EIF5B: variants seen among roughly 807,000 people sequenced by gnomAD.
EIF5B encodes eIF-5B.
A neutral mutation model predicts 147.5 loss-of-function variants in EIF5B; 47 were observed. The ratio of observed to expected loss-of-function variants is 0.32; its 90% CI spans 0.25 to 0.41. EIF5B has a LOEUF of 0.41. EIF5B is among the 10% of genes least tolerant of loss of function. EIF5B has a pLI of 1.00. For synonymous variants in EIF5B, 455 were observed against 456.2 expected (o/e 1.00, Z 0.03); for missense variants, 1,064 against 1,413.2 (o/e 0.75, Z 3.96).
At chr2:99,384,024 C>T (rs1440266735) in intron 14 of EIF5B, among the ~76,000 whole-genome samples, 7 of 151,560 alleles carry the variant, frequency 4.6e-5, no homozygotes, top group Non-Finnish European at 7.4e-5. Flanking sequence ...GGTGAAACCC[C>T]GTCTCTACTA....
intron 22 of EIF5B, chr2:99,397,203 TTTACA>T (rs1675070491): frequency 4.6e-6 from 1 of 217,934 alleles, no homozygotes; most frequent in South Asian, 1.8e-4. Flanking sequence ...TCCAAGGCAC[TTTACA>T]TTATTGCCTT....
At chr2:99,356,406 T>C (rs952822364) in intron 1 of EIF5B, among the ~76,000 whole-genome samples, 1 of 152,338 alleles carries the variant, frequency 6.6e-6, no homozygotes, top group East Asian at 1.9e-4. Context: ...TTAGCTTTCT[T>C]CTGCACACGT....
intron 1 of EIF5B, among the ~76,000 whole-genome samples, chr2:99,343,846 C>G (rs2094266435): frequency 6.6e-6 from 1 of 151,596 alleles, no homozygotes; most frequent in Non-Finnish European, 1.5e-5. Context: ...CTTTTATTGC[C>G]TTATCTCTTG....
At chr2:99,398,406 CT>C (rs1675110612) in intron 22 of EIF5B, 1 of 177,252 alleles carries the variant, frequency 5.6e-6, no homozygotes, top group Non-Finnish European at 1.2e-5. Flanking sequence ...AAGCTCATTC[CT>C]GACTCAGACC....
rs1295238354 is a variant in EIF5B, at chr2:99,400,982, A to ACTT, written c.*1570_*1572dup. On this transcript the variant is annotated 3_prime_UTR_variant, in exon 24 of 24. Transcript: ENST00000289371. ...AGTTCTTTATTAAACAACTGTAAAC[A>ACTT]CTTCACTGTAAAAATCCATAAAACT... 2 of 262,554 alleles carry ACTT rather than the reference A, an allele frequency of 7.6e-6. No individual in the cohort carries two copies. The highest frequency in any genetic ancestry group is 2.2e-5 in the African/African-American group (1 of 45,588). The allele number at this position is 262,554 out of a possible 1,614,324, so 16.3% of individuals were successfully genotyped here. A position where few individuals can be genotyped will look rare whatever the true frequency, so the allele number is the denominator to read the frequency against.
chr2:99,341,896 A>G (rs1434508669), intron 1 of EIF5B, among the ~76,000 whole-genome samples: 1 of 152,234 alleles, frequency 6.6e-6, no homozygotes, highest in Non-Finnish European at 1.5e-5. Flanking sequence ...CTGCAGCATC[A>G]TCACACATCA....
chr2:99,341,669 A>C (rs1334650911), intron 1 of EIF5B, among the ~76,000 whole-genome samples: 1 of 152,206 alleles, frequency 6.6e-6, no homozygotes, highest in African/African-American at 2.4e-5. Context: ...GCTTCTGTGT[A>C]TGTAGGTTAT....
intron 14 of EIF5B, among the ~76,000 whole-genome samples, chr2:99,386,063 T>A (rs981586556): frequency 6.6e-6 from 1 of 152,270 alleles, no homozygotes; most frequent in African/African-American, 2.4e-5. Flanking sequence ...GGGTTTTTCC[T>A]TTTTATTTTT....
intron 1 of EIF5B, among the ~76,000 whole-genome samples, chr2:99,341,777 TTAAA>T (rs1350903635): frequency 1.3e-5 from 2 of 152,200 alleles, no homozygotes; most frequent in Non-Finnish European, 2.9e-5. Flanking sequence ...CATAACATTA[TTAAA>T]TAACCATATT....
At chr2:99,338,317 C>G in intron 1 of EIF5B, 1 of 1,289,048 alleles carries the variant, frequency 7.8e-7, no homozygotes, top group Non-Finnish European at 1.0e-6. Context: ...AGTTACTTAC[C>G]TAGAGATTTT....
chr2:99,390,653 C>T lies in EIF5B; in HGVS notation c.2696C>T (p.Thr899Ile). 2 of 1,612,010 alleles carry T rather than the reference C, an allele frequency of 1.2e-6. No homozygotes were observed. Among genetic ancestry groups the T allele is most frequent in the Non-Finnish European group, 1.7e-6 (2 of 1,178,270 alleles). The stretch of plus-strand genomic sequence containing the variant: ...CCTGGAGTAGAAGGGCCCATTGTAA[C>T]TCAGATTCGAGGCCTCCTGTTACCT... ...IVPGVEGPIVTQIRGLLLPPP... is the reference protein window; with the variant it reads ...IVPGVEGPIVIQIRGLLLPPP... The change falls in exon 17 of 24, where the codon ACT becomes ATT. Residue 899 changes from threonine to isoleucine, a missense_variant. Physicochemically the swap from Thr to Ile is moderately conservative, Grantham distance 89 (BLOSUM62 -1). This residue lies in a region of EIF5B where 380 missense variants were observed against 715.6 expected (regional missense o/e 0.53). Coordinates refer to ENST00000289371, the MANE Select transcript of EIF5B (RefSeq NM_015904.4).
rs962916343 is a variant in EIF5B, at chr2:99,361,461, G to T, written c.560G>T (p.Gly187Val). 1.2e-6 allele frequency: 2 copies of T among 1,613,874 alleles called. No homozygotes were observed. Among genetic ancestry groups the T allele is most frequent in the African/African-American group, 1.3e-5 (1 of 74,862 alleles). ...AGAATAAATTCTTCTGGTGAAAGTG[G>T]TGATGAATCAGATGAATTTTTGCAA... ...RSRINSSGESGDESDEFLQSR... is the reference protein window; with the variant it reads ...RSRINSSGESVDESDEFLQSR... Residue 187 changes from glycine to valine, a missense_variant, in exon 4 of 24, where the codon GGT becomes GTT. Gly to Val is a moderately radical substitution (Grantham distance 109). Around this residue, in one of 4 missense-constraint regions of EIF5B, gnomAD observed 458 missense variants for 451.3 expected, o/e 1.01. Coordinates refer to ENST00000289371, the MANE Select transcript of EIF5B (RefSeq NM_015904.4).
At position 99,376,402 on chromosome 2, in the gene EIF5B, G is replaced by A; in HGVS notation, c.1608G>A (p.Glu536=). The A allele has an allele frequency of 6.4e-7, 1 of 1,554,596 alleles. No individual in the cohort carries two copies. The highest frequency in any genetic ancestry group is 8.8e-7 in the Non-Finnish European group (1 of 1,132,904). ...EVKENPEEEE[E]EEEEEEEDEE... ...AAGAAAACCCTGAAGAGGAGGAGGA[G>A]GAGGAAGAAGAGGAAGAAGAAGATG... The change falls in exon 10 of 24, where the codon GAG becomes GAA. Residue 536 remains glutamate, a synonymous_variant. Coordinates refer to ENST00000289371, the MANE Select transcript of EIF5B (RefSeq NM_015904.4).
chr2:99,389,661 C>T, intron 14 of EIF5B, 57 bp from the exon 15 acceptor site: 1 of 1,510,262 alleles, frequency 6.6e-7, no homozygotes, highest in South Asian at 1.3e-5. Flanking sequence ...GCTATTAATA[C>T]AGTTCTTGAA....
At position 99,389,744 on chromosome 2, in the gene EIF5B, G is replaced by C; in HGVS notation, c.2298G>C (p.Lys766Asn). Reference protein sequence around the residue: ...NKIDRLYDWKKSPDSDVAATL... With the variant: ...NKIDRLYDWKNSPDSDVAATL... ...TTGATAGGTTATATGATTGGAAAAA[G>C]AGTCCTGACTCTGATGTGGCTGCTA... The change falls in exon 15 of 24, where the codon AAG becomes AAC. Residue 766 changes from lysine to asparagine, a missense_variant. Transcript: ENST00000289371. 6.2e-7 allele frequency: 1 copy of C among 1,605,624 alleles called. No homozygotes were observed. The highest frequency in any genetic ancestry group is 1.1e-5 in the South Asian group (1 of 88,816).
chr2:99,399,241 G>T (rs1298424510), intron 23 of EIF5B, 66 bp from the exon 24 acceptor site: 2 of 1,473,168 alleles, frequency 1.4e-6, no homozygotes, highest in Non-Finnish European at 1.9e-6. Context: ...GGGCATCTGG[G>T]GCCACAGCTT....
rs1404506746 is a variant in EIF5B, at chr2:99,400,062, A to G, written c.*648A>G. 6.6e-6 allele frequency: 1 copy of G among 152,266 alleles called. No homozygotes were observed. Among genetic ancestry groups the G allele is most frequent in the African/African-American group, 2.4e-5 (1 of 41,468 alleles). The allele number at this position is 152,266 out of a possible 1,614,324, so 9.4% of individuals were successfully genotyped here. ...CTACCAATAAAGAAAACAGACATCCACCAGTAAGCAAGCTCTGTTAGGCTT... is the reference window on the plus strand; with the variant it reads ...CTACCAATAAAGAAAACAGACATCCGCCAGTAAGCAAGCTCTGTTAGGCTT... On this transcript the variant is annotated 3_prime_UTR_variant, in exon 24 of 24. Transcript: ENST00000289371.
At chr2:99,360,653 T>G in intron 3 of EIF5B, 104 bp downstream of exon 3, 1 of 1,031,232 alleles carries the variant, frequency 9.7e-7, no homozygotes, top group Non-Finnish European at 1.4e-6. Context: ...CAGTGTACAA[T>G]ATGTTATTTA....
intron 7 of EIF5B, 38 bp from the exon 8 acceptor site, chr2:99,369,354 C>A: frequency 2.6e-6 from 4 of 1,526,962 alleles, no homozygotes; most frequent in Non-Finnish European, 3.6e-6. Flanking sequence ...AATTATACAC[C>A]AAAAAAAATA....
Sources: gnomAD v4.1 joint callset for allele counts (sites outside exome capture counted in the v4.1 genomes callset) on GRCh38, gnomAD v4.1.1 for gene constraint, gnomAD v4.1.1 regional missense constraint, MANE v1.5 for transcripts, NCBI Gene and HGNC (gene_info 2026-07-23, HGNC 2026-07-21) for gene names.